UEVLD: variants seen among roughly 807,000 people sequenced by gnomAD.
UEVLD encodes UEV and lactate/malate dehyrogenase domains, also known as ubiquitin-conjugating enzyme E2 variant 3.
Under a neutral mutation model 58.6 loss-of-function variants are expected in UEVLD, and 47 were observed. The ratio of observed to expected loss-of-function variants is 0.80; its 90% CI spans 0.63 to 1.02. The LOEUF is 1.02. UEVLD is among the 50% of genes least tolerant of loss of function. The pLI, the probability that UEVLD is intolerant of heterozygous loss-of-function variation, is 0.00. For synonymous variants in UEVLD, 197 were observed against 195.3 expected (o/e 1.01, Z -0.07); for missense variants, 510 against 550.6 (o/e 0.93, Z 0.74).
chr11:18,537,440 C>G (rs896497316), intron 9 of UEVLD, among the ~76,000 whole-genome samples: 3 of 150,892 alleles, frequency 2.0e-5, no homozygotes, highest in African/African-American at 7.3e-5. Flanking sequence ...AAACAATTCT[C>G]CTGCCTCAGC....
intron 7 of UEVLD, 105 bp from the exon 8 acceptor site, chr11:18,547,155 G>A: frequency 1.7e-6 from 2 of 1,164,770 alleles, no homozygotes; most frequent in Non-Finnish European, 2.4e-6. Context: ...GAGCTTTTAG[G>A]CACGCCTCCC....
At chr11:18,571,474 T>C (rs1852609228) in intron 3 of UEVLD, among the ~76,000 whole-genome samples, 1 of 152,210 alleles carries the variant, frequency 6.6e-6, no homozygotes, top group South Asian at 2.1e-4. Context: ...GCAAAGCACC[T>C]GGTGACTCAG....
intron 9 of UEVLD, among the ~76,000 whole-genome samples, chr11:18,543,755 A>G (rs1380819736): frequency 1.3e-5 from 2 of 152,256 alleles, no homozygotes; most frequent in Non-Finnish European, 2.9e-5. Context: ...ATAAAAGAGT[A>G]AGGGAAGAGA....
In UEVLD at chr11:18,579,785, T is replaced by G. The variant is rs369370246; in HGVS notation, c.43-977A>C. Reference sequence around the variant, plus strand: ...GAAAGAAAATAAGTATATTAAGAGTTTACCATTCTGAAAATGGATTTGAGA... The same window carrying G: ...GAAAGAAAATAAGTATATTAAGAGTGTACCATTCTGAAAATGGATTTGAGA... On this transcript the variant is annotated intron_variant, in intron 1 of 11. Transcript: ENST00000396197. Among the ~76,000 whole-genome samples, 8 of 152,300 alleles carry G rather than the reference T, an allele frequency of 5.3e-5. No individual in the cohort carries two copies. The South Asian group carries it at 1.2e-3, about 24-fold the overall frequency.
intron 1 of UEVLD, among the ~76,000 whole-genome samples, chr11:18,582,025 T>TGTAA (rs1442667292): frequency 2.6e-5 from 4 of 152,192 alleles, no homozygotes; most frequent in African/African-American, 9.7e-5. Flanking sequence ...CATGATTCAG[T>TGTAA]GTAAACAAAA....
intron 2 of UEVLD, 44 bp downstream of exon 2, chr11:18,578,680 A>T (rs1254704119): frequency 3.5e-6 from 5 of 1,430,946 alleles, no homozygotes; most frequent in Non-Finnish European, 4.9e-6. Flanking sequence ...AAAAATTAGT[A>T]GTTCAAATAA....
intron 1 of UEVLD, among the ~76,000 whole-genome samples, 191 bp from the exon 2 acceptor site, chr11:18,578,999 C>T (rs1230333710): frequency 1.3e-5 from 2 of 152,122 alleles, no homozygotes; most frequent in African/African-American, 2.4e-5. Context: ...TCCTGAGTTG[C>T]TGGGATTACA....
At chr11:18,548,496 C>T (rs907391397) in intron 7 of UEVLD, among the ~76,000 whole-genome samples, 3 of 152,242 alleles carry the variant, frequency 2.0e-5, no homozygotes, top group East Asian at 1.9e-4. Flanking sequence ...GGTGCAATCT[C>T]GGCTCACCAC....
chr11:18,533,935 A>C (rs1850681507), intron 11 of UEVLD, among the ~76,000 whole-genome samples: 1 of 152,188 alleles, frequency 6.6e-6, no homozygotes, highest in Admixed American at 6.5e-5. Context: ...TACAGGCGTG[A>C]GCCACTGCCC....
In UEVLD at chr11:18,563,605, A is replaced by C. The variant is rs538381649; in HGVS notation, c.612+1287T>G. 6.9e-6 allele frequency: 6 copies of C among 870,484 alleles called. No homozygotes were observed. In the African/African-American group the frequency reaches 1.1e-4, roughly 16 times the overall value. The allele number at this position is 870,484 out of a possible 1,614,324, so 53.9% of individuals were successfully genotyped here. Reference sequence around the variant, plus strand: ...GACCCTGTCTAAATAAAATAAAATAATGTATGACCAAATAAAAATTCAGAT... The same window carrying C: ...GACCCTGTCTAAATAAAATAAAATACTGTATGACCAAATAAAAATTCAGAT... On this transcript the variant is annotated intron_variant, in intron 6 of 11. Transcript: ENST00000396197.
intron 4 of UEVLD, 118 bp downstream of exon 4, chr11:18,570,096 A>G: frequency 9.0e-7 from 1 of 1,111,644 alleles, no homozygotes; most frequent in Non-Finnish European, 1.2e-6. Flanking sequence ...TCCAAAGACT[A>G]CATGAAGAAT....
At chr11:18,540,373 T>A (rs1590312962) in intron 9 of UEVLD, among the ~76,000 whole-genome samples, 1 of 152,220 alleles carries the variant, frequency 6.6e-6, no homozygotes, top group East Asian at 1.9e-4. Flanking sequence ...ATGGTATCAC[T>A]TATGCAAAAG....
At chr11:18,533,980 G>A (rs904492213) in intron 11 of UEVLD, among the ~76,000 whole-genome samples, 1 of 152,140 alleles carries the variant, frequency 6.6e-6, no homozygotes, top group Non-Finnish European at 1.5e-5. Context: ...ACAGGGATTC[G>A]CTGTGTTGTC....
At chr11:18,538,345 C>T (rs1347914050) in intron 9 of UEVLD, among the ~76,000 whole-genome samples, 5 of 150,348 alleles carry the variant, frequency 3.3e-5, no homozygotes, top group South Asian at 2.1e-4. Context: ...GGCACCATCT[C>T]GGCTCACTGC....
intron 9 of UEVLD, among the ~76,000 whole-genome samples, chr11:18,540,651 T>C (rs573127195): frequency 6.6e-6 from 1 of 152,328 alleles, no homozygotes; most frequent in African/African-American, 2.4e-5. Flanking sequence ...ACACTGGCAT[T>C]ATGTGTGTCA....
intron 9 of UEVLD, among the ~76,000 whole-genome samples, chr11:18,540,115 T>C (rs550977079): frequency 1.3e-5 from 2 of 152,310 alleles, no homozygotes; most frequent in Non-Finnish European, 2.9e-5. Context: ...AGATACATTA[T>C]CTTAAGTGAC....
intron 1 of UEVLD, among the ~76,000 whole-genome samples, chr11:18,586,273 G>A (rs991508738): frequency 1.3e-5 from 2 of 152,040 alleles, no homozygotes; most frequent in African/African-American, 4.8e-5. Flanking sequence ...GGAGTGCAGT[G>A]GCACGATCTT....
chr11:18,588,660 G>A lies in UEVLD; in HGVS notation c.-6C>T, dbSNP rs781694947. On this transcript the variant is annotated 5_prime_UTR_variant, in exon 1 of 12. Transcript: ENST00000396197. ...CCCTCGCAGTCGAACTCCATCTCCA[G>A]GCCGGTCCCGAGCTAGGTCCCAGGA... is the stretch of plus-strand genomic sequence containing the variant. 3.1e-6 allele frequency: 5 copies of A among 1,608,640 alleles called. No individual in the cohort carries two copies. In the South Asian group the frequency reaches 3.3e-5, roughly 11 times the overall value.
At chr11:18,575,049 G>C (rs553125992) in intron 3 of UEVLD, among the ~76,000 whole-genome samples, 5 of 152,216 alleles carry the variant, frequency 3.3e-5, no homozygotes, top group African/African-American at 9.6e-5. Flanking sequence ...CCAAAATACA[G>C]CTTCCTAGTG....
Sources: allele counts gnomAD v4.1 joint callset (sites outside exome capture counted in the v4.1 genomes callset), GRCh38; gene constraint gnomAD v4.1.1; transcripts MANE v1.5; gene names NCBI Gene and HGNC (gene_info 2026-07-23, HGNC 2026-07-21).